Variants in TDRD9 observed in about 807,000 individuals in gnomAD.
The protein encoded by TDRD9 is tudor domain containing 9.
In TDRD9, 124 loss-of-function variants were observed where a neutral mutation model predicts 172.6. The observed-to-expected ratio is 0.72, with a 90% CI of 0.62 to 0.83. The LOEUF is 0.83. TDRD9 is among the 40% of genes least tolerant of loss of function. The probability of loss-of-function intolerance (pLI) is 0.00; values close to 1 mark genes in which losing one functional copy is unlikely to be tolerated. For synonymous variants in TDRD9, 619 were observed against 617.1 expected, an observed-to-expected ratio of 1.00 and a Z score of -0.05; for missense variants, 1,479 against 1,714.1, an observed-to-expected ratio of 0.86 and a Z score of 2.42.
intron 30 of TDRD9, among the ~76,000 whole-genome samples, chr14:104,033,377 G>A (rs1280867274): frequency 6.6e-6 from 1 of 152,168 alleles, no homozygotes; most frequent in Non-Finnish European, 1.5e-5. Flanking sequence ...TCTGAGGCTG[G>A]TCCCTGCTGT....
chr14:103,993,835 T>C (rs1362949029), intron 9 of TDRD9, among the ~76,000 whole-genome samples: 2 of 152,220 alleles, frequency 1.3e-5, no homozygotes, highest in South Asian at 2.1e-4. Flanking sequence ...CAATACGTCT[T>C]TTTAGGGGAC....
At chr14:104,022,718 C>T (rs1399182153) in intron 24 of TDRD9, among the ~76,000 whole-genome samples, 3 of 111,906 alleles carry the variant, frequency 2.7e-5, no homozygotes, top group Non-Finnish European at 4.0e-5. Flanking sequence ...CAGAACAAGA[C>T]GCTGTCTTAA....
At chr14:104,044,961 G>A (rs968443853) in intron 34 of TDRD9, among the ~76,000 whole-genome samples, 1 of 152,118 alleles carries the variant, frequency 6.6e-6, no homozygotes, top group African/African-American at 2.4e-5. Flanking sequence ...TGGCCAACAT[G>A]GTAAAACCCT....
chr14:103,991,257 A>G (rs1463967831), intron 9 of TDRD9, 33 bp downstream of exon 9: 4 of 1,610,908 alleles, frequency 2.5e-6, no homozygotes, highest in Non-Finnish European at 3.4e-6. Flanking sequence ...ACTTGGAATC[A>G]TAATACTCTG....
rs538872536 is a variant in TDRD9 at position 103,978,916 on chromosome 14, G to T, written c.1011+3363G>T. Among the ~76,000 whole-genome samples the T allele has an allele frequency of 3.9e-5, 6 of 152,238 alleles. No homozygotes were observed. In the South Asian group the frequency reaches 1.0e-3, roughly 26 times the overall value. ...GTATCAAACATTTTTTTGTGTGTGT[G>T]TTGGGAACATTCAGTAGCCTCCTAT... On this transcript the variant is annotated intron_variant, in intron 7 of 35. Coordinates refer to ENST00000409874, the MANE Select transcript of TDRD9 (RefSeq NM_153046.3).
intron 35 of TDRD9, among the ~76,000 whole-genome samples, chr14:104,050,665 A>C (rs2035912368): frequency 6.6e-6 from 1 of 152,138 alleles, no homozygotes; most frequent in Non-Finnish European, 1.5e-5. Context: ...CCCTGTGCCT[A>C]GGTCCCTCTT....
At chr14:103,988,433 A>G (rs1390135950) in intron 8 of TDRD9, among the ~76,000 whole-genome samples, 1 of 152,086 alleles carries the variant, frequency 6.6e-6, no homozygotes, top group Non-Finnish European at 1.5e-5. Flanking sequence ...CGGCCTCCCA[A>G]AGTGCTGGGA....
At position 103,975,389 on chromosome 14, in the gene TDRD9, G is replaced by A; in HGVS notation, c.847G>A (p.Val283Met). ...TTGAATGTTTTCTCTTACTCTGTAG[G>A]TGGTCCTGATGTCGGCTACCATCAG... ...LLRTNSRFVK[V>M]VLMSATISCK... Residue 283 changes from valine (V) to methionine (M), a missense_variant and splice_region_variant, in exon 7 of 36, where the codon GTG becomes ATG. By Grantham distance (21) the Val-to-Met change is conservative (BLOSUM62 1). Transcript: ENST00000409874. The A allele has an allele frequency of 6.2e-7, 1 of 1,612,362 alleles. No individual in the cohort carries two copies. The highest frequency in any genetic ancestry group is 1.1e-5 in the South Asian group (1 of 90,726).
At chr14:103,959,005 G>A (rs1237667347) in intron 2 of TDRD9, among the ~76,000 whole-genome samples, 1 of 152,172 alleles carries the variant, frequency 6.6e-6, no homozygotes, top group East Asian at 1.9e-4. Context: ...GACTGTGAAG[G>A]GAGGAAGAGG....
rs201636270 is a variant in TDRD9, at chr14:103,969,112, C to CA, written c.766-1419dup. Among the ~76,000 whole-genome samples, 247 of 118,706 alleles carry CA rather than the reference C, an allele frequency of 2.1e-3. 3 individuals are homozygous for CA. Among genetic ancestry groups the CA allele is most frequent in the South Asian group, 0.013 (46 of 3,596 alleles). 77.9% of individuals were successfully genotyped at this position (118,706 alleles called of 152,430 possible). ...AAGACTCTGTGTAAAAAAAAAAAAGCAAAAAAAAAACCCCCCAAAAAAAAC... is the reference window on the plus strand; with the variant it reads ...AAGACTCTGTGTAAAAAAAAAAAAGCAAAAAAAAAAACCCCCCAAAAAAAAC... On this transcript the variant is annotated intron_variant, in intron 5 of 35. Transcript: ENST00000409874.
At chr14:103,939,266 T>C (rs1419405181) in intron 1 of TDRD9, among the ~76,000 whole-genome samples, 2 of 152,222 alleles carry the variant, frequency 1.3e-5, no homozygotes. Flanking sequence ...CCAATTCTAG[T>C]ACCGGGCTTC....
rs77111775 is a variant in TDRD9, at chr14:103,990,271, C to A, written c.1116-889C>A. On this transcript the variant is annotated intron_variant, in intron 8 of 35. Transcript: ENST00000409874. ...CGCCTGAGGTCATAGGTGTGGCTCA[C>A]CCTCATAGGGAGAGATGGAGGAGCA... 7.2e-3 allele frequency among the ~76,000 whole-genome samples: 1,095 copies of A among 152,318 alleles called. 6 individuals carry two copies. Among genetic ancestry groups the A allele is most frequent in the Non-Finnish European group, 0.012 (835 of 68,028 alleles).
Position 103,975,424 on chromosome 14 carries a change from G to A in TDRD9, c.882G>A (p.Glu294=), listed in dbSNP as rs113578132. The change falls in exon 7 of 36, where the codon GAG becomes GAA. Residue 294 remains glutamate, a synonymous_variant. Transcript: ENST00000409874. ...VLMSATISCK[E]FADYFAVPVQ... Reference sequence around the variant, plus strand: ...TGTCGGCTACCATCAGCTGTAAAGAGTTTGCAGACTACTTTGCTGTTCCTG... The same window carrying A: ...TGTCGGCTACCATCAGCTGTAAAGAATTTGCAGACTACTTTGCTGTTCCTG... 29 of 1,613,896 alleles carry A rather than the reference G, an allele frequency of 1.8e-5. No homozygotes were observed. The African/African-American group carries it at 2.4e-4, about 13-fold the overall frequency.
In TDRD9 at chr14:103,967,347, CAAAAAAAAA is replaced by C. The variant is rs11444885; in HGVS notation, c.765+534_765+542del. Among the ~76,000 whole-genome samples the C allele has an allele frequency of 6.3e-3, 312 of 49,760 alleles. No homozygotes were observed. The Middle Eastern group carries it at 0.17, about 27-fold the overall frequency. The allele number at this position is 49,760 out of a possible 152,430, so 32.6% of individuals were successfully genotyped here. A position where few individuals can be genotyped will look rare whatever the true frequency, so the allele number is the denominator to read the frequency against. ...GTGAAACCCATCTCTACTAAAAATA[CAAAAAAAAA>C]AAAAAAAAAAAAAAAAAGATTAGCT... On this transcript the variant is annotated intron_variant, in intron 5 of 35. Transcript: ENST00000409874.
Position 103,965,439 on chromosome 14 carries a change from G to A in TDRD9, c.527G>A (p.Arg176His), listed in dbSNP as rs2032695363. The change falls in exon 4 of 36, where the codon CGC becomes CAC. Residue 176 changes from arginine to histidine, a missense_variant. Arg to His is a conservative substitution (Grantham distance 29). This residue lies in a region of TDRD9 where 1,413 missense variants were observed against 1,649.1 expected (regional missense o/e 0.86). Transcript: ENST00000409874. ...PQYILDHYVQ[R>H]SAYCSIVVTQ... ...TATATCTTGGACCACTACGTTCAGC[G>A]CTCCGCCTACTGCAGCATTGTGGTC... 4.5e-6 allele frequency: 7 copies of A among 1,551,586 alleles called. No individual in the cohort carries two copies. The East Asian group carries it at 1.2e-4, about 27-fold the overall frequency.
intron 2 of TDRD9, among the ~76,000 whole-genome samples, chr14:103,956,222 G>A (rs1317312813): frequency 4.2e-5 from 6 of 142,594 alleles, no homozygotes; most frequent in African/African-American, 1.3e-4. Context: ...GGTGGATCAC[G>A]AGGTCAGGAG....
At chr14:103,996,193 G>T (rs1215738778) in intron 12 of TDRD9, among the ~76,000 whole-genome samples, 1 of 152,204 alleles carries the variant, frequency 6.6e-6, no homozygotes, top group East Asian at 1.9e-4. Context: ...AGCCCACTTT[G>T]TCATCTCATC....
chr14:103,955,619 T>C, intron 1 of TDRD9, 45 bp from the exon 2 acceptor site: 1 of 1,484,746 alleles, frequency 6.7e-7, no homozygotes, highest in Non-Finnish European at 9.1e-7. Context: ...CAAGGGTTTC[T>C]TGGCTTTTTG....
Position 104,052,058 on chromosome 14 carries a change from C to A in TDRD9, c.4125C>A (p.His1375Gln), listed in dbSNP as rs528845791. 26 of 1,583,276 alleles carry A rather than the reference C, an allele frequency of 1.6e-5. No individual in the cohort carries two copies. Among genetic ancestry groups the A allele is most frequent in the Non-Finnish European group, 2.2e-5 (26 of 1,164,188 alleles). ...AGAACACCTTTCTCTACCAGCTCCA[C>A]AAACTGGTTGTGCTCGGCACCTGAG... Reference protein sequence around the residue: ...RGKNTFLYQLHKLVVLGT With the variant: ...RGKNTFLYQLQKLVVLGT The change falls in exon 36 of 36, where the codon CAC becomes CAA. Residue 1375 changes from histidine (H) to glutamine (Q), a missense_variant. His to Gln is a conservative substitution (Grantham distance 24). Transcript: ENST00000409874.
Sources: allele counts gnomAD v4.1 joint callset (sites outside exome capture counted in the v4.1 genomes callset), GRCh38; gene constraint gnomAD v4.1.1; regional missense constraint gnomAD v4.1.1; transcripts MANE v1.5; gene names NCBI Gene and HGNC (gene_info 2026-07-23, HGNC 2026-07-21).